Variants in STX8 observed in about 807,000 individuals in gnomAD.
STX8 encodes syntaxin-8.
STX8 carries 23 observed loss-of-function variants against 37.5 expected under a neutral mutation model. The observed-to-expected ratio is 0.61, with a 90% confidence interval of 0.44 to 0.87. The LOEUF (loss-of-function observed/expected upper bound fraction) is 0.87, where lower values mean the gene tolerates loss of function less well. STX8 is among the 40% of genes least tolerant of loss of function. The pLI, the probability that STX8 is intolerant of heterozygous loss-of-function variation, is 0.00. For missense variants in STX8, 313 were observed against 284.7 expected, an observed-to-expected ratio of 1.10 and a Z score of -0.71; for synonymous variants, 115 against 99.1, an observed-to-expected ratio of 1.16 and a Z score of -0.95.
intron 6 of STX8, among the ~76,000 whole-genome samples, chr17:9,486,053 C>T (rs1235815393): frequency 1.3e-5 from 2 of 152,098 alleles, no homozygotes; most frequent in East Asian, 3.9e-4. Context: ...AAGGCATGCT[C>T]ATAAATAAAA....
intron 6 of STX8, among the ~76,000 whole-genome samples, chr17:9,444,856 G>C (rs1309301574): frequency 6.6e-6 from 1 of 152,184 alleles, no homozygotes; most frequent in Non-Finnish European, 1.5e-5. Context: ...AATTGAAACA[G>C]ACTCTTTCTT....
chr17:9,255,054 T>G (rs1906737164), intron 7 of STX8, among the ~76,000 whole-genome samples: 1 of 152,130 alleles, frequency 6.6e-6, no homozygotes, highest in East Asian at 1.9e-4. Flanking sequence ...AGAAGAATGC[T>G]CTTCCACAGA....
At chr17:9,313,256 T>G (rs780642391) in intron 7 of STX8, among the ~76,000 whole-genome samples, 1 of 152,004 alleles carries the variant, frequency 6.6e-6, no homozygotes, top group East Asian at 1.9e-4. Flanking sequence ...TCAAGGAACA[T>G]GGGTGGGTGA....
At chr17:9,457,497 A>G (rs937372776) in intron 6 of STX8, among the ~76,000 whole-genome samples, 1 of 152,232 alleles carries the variant, frequency 6.6e-6, no homozygotes, top group South Asian at 2.1e-4. Flanking sequence ...AGAGAATCCA[A>G]AACTCTCTCT....
At chr17:9,304,010 T>TAACA (rs34202606) in intron 7 of STX8, among the ~76,000 whole-genome samples, 35,093 of 151,188 alleles carry the variant, frequency 0.23, 5,398 homozygotes, top group African/African-American at 0.44. Context: ...AAAGGCCAAA[T>TAACA]AATTAGGAAA....
chr17:9,498,590 A>G (rs375488937), intron 5 of STX8, among the ~76,000 whole-genome samples: 162 of 152,330 alleles, frequency 1.1e-3, no homozygotes, highest in African/African-American at 3.5e-3. Context: ...CTGTGACTGC[A>G]AGGGTTCAAA....
chr17:9,448,471 G>A (rs551222127), intron 6 of STX8, among the ~76,000 whole-genome samples: 15 of 152,102 alleles, frequency 9.9e-5, no homozygotes, highest in African/African-American at 1.7e-4. Context: ...TGATTCTGCC[G>A]TTTAAAATGG....
intron 7 of STX8, among the ~76,000 whole-genome samples, chr17:9,354,318 CTTTTTTTTTT>C (rs35460018): frequency 8.4e-6 from 1 of 119,752 alleles, no homozygotes; most frequent in Non-Finnish European, 1.7e-5. Flanking sequence ...AATTGTCTCA[CTTTTTTTTTT>C]TTTTTTTTTT....
intron 6 of STX8, among the ~76,000 whole-genome samples, chr17:9,413,367 G>A (rs1275668614): frequency 6.6e-6 from 1 of 152,198 alleles, no homozygotes; most frequent in African/African-American, 2.4e-5. Context: ...TGTGGACAGA[G>A]AGGCCAACAA....
In STX8 at chr17:9,469,078, T is replaced by C. The variant is rs933049156; in HGVS notation, c.541+22751A>G. 3 of 152,206 alleles carry C rather than the reference T, an allele frequency of 2.0e-5. No homozygotes were observed. The East Asian group carries it at 5.8e-4, about 29-fold the overall frequency. The allele number at this position is 152,206 out of a possible 1,614,324, so 9.4% of individuals were successfully genotyped here. Reference sequence around the variant, plus strand: ...TGGTTAGAAAAATTGCTTTCATTGTTATCTTGGGAATTTTCCTCCTCCAAC... The same window carrying C: ...TGGTTAGAAAAATTGCTTTCATTGTCATCTTGGGAATTTTCCTCCTCCAAC... On this transcript the variant is annotated intron_variant, in intron 6 of 7. Transcript: ENST00000306357.
At chr17:9,394,051 T>C (rs1271733118) in intron 6 of STX8, among the ~76,000 whole-genome samples, 1 of 152,098 alleles carries the variant, frequency 6.6e-6, no homozygotes, top group African/African-American at 2.4e-5. Flanking sequence ...GAACACAGTA[T>C]GTAAAGAACA....
At chr17:9,554,195 G>C (rs1490601912) in intron 3 of STX8, 1 of 152,466 alleles carries the variant, frequency 6.6e-6, no homozygotes, top group Non-Finnish European at 1.5e-5. Flanking sequence ...GGGAAGCGGA[G>C]GTTGCGGTGA....
intron 2 of STX8, among the ~76,000 whole-genome samples, chr17:9,567,500 G>A (rs1597748783): frequency 6.6e-6 from 1 of 152,176 alleles, no homozygotes; most frequent in Non-Finnish European, 1.5e-5. Flanking sequence ...AGGATTCTCA[G>A]TGTGAGAGAA....
chr17:9,405,712 A>T (rs57135627), intron 6 of STX8, among the ~76,000 whole-genome samples: 2,579 of 152,258 alleles, frequency 0.017, 71 homozygotes, highest in African/African-American at 0.058. Flanking sequence ...TGCAATGAAA[A>T]TCTGTCAGGC....
chr17:9,567,458 T>C (rs957280650), intron 2 of STX8, among the ~76,000 whole-genome samples: 5 of 152,154 alleles, frequency 3.3e-5, no homozygotes, highest in Non-Finnish European at 5.9e-5. Context: ...ATAGACCAAA[T>C]GAGTAAAAAC....
intron 7 of STX8, among the ~76,000 whole-genome samples, chr17:9,312,238 G>C (rs1169476962): frequency 1.3e-5 from 2 of 149,892 alleles, no homozygotes; most frequent in East Asian, 2.0e-4. Flanking sequence ...TTTCGTTCTT[G>C]TTGTCCAGGC....
chr17:9,506,411 C>CCA (rs1555532624), intron 4 of STX8, among the ~76,000 whole-genome samples: 1 of 65,208 alleles, frequency 1.5e-5, no homozygotes, highest in Non-Finnish European at 3.6e-5. Context: ...ACCCGCTCCC[C>CCA]CCCCCCCCCA....
chr17:9,445,008 G>A (rs949837743), intron 6 of STX8, among the ~76,000 whole-genome samples: 1 of 152,196 alleles, frequency 6.6e-6, no homozygotes, highest in African/African-American at 2.4e-5. Flanking sequence ...TCTCTGCTGA[G>A]CTGCTGACCA....
chr17:9,289,018 T>C (rs1479181453), intron 7 of STX8, among the ~76,000 whole-genome samples: 2 of 152,146 alleles, frequency 1.3e-5, no homozygotes, highest in African/African-American at 4.8e-5. Context: ...ATGCTGGGAC[T>C]AAAGAGATGC....
Sources: allele counts gnomAD v4.1 joint callset (sites outside exome capture counted in the v4.1 genomes callset), GRCh38; gene constraint gnomAD v4.1.1; transcripts MANE v1.5; gene names NCBI Gene and HGNC (gene_info 2026-07-23, HGNC 2026-07-21).